Variants in COL5A1 observed in about 807,000 individuals in gnomAD.
COL5A1 encodes the protein collagen type V alpha 1 chain.
Under a neutral mutation model 263.7 loss-of-function variants are expected in COL5A1, and 16 were observed. That is an observed-to-expected ratio of 0.06 (90% CI 0.04 to 0.09). The LOEUF (loss-of-function observed/expected upper bound fraction) is 0.09, where lower values mean the gene tolerates loss of function less well. Among genes scored for constraint, COL5A1 ranks in the 10% least tolerant of loss-of-function variants. The pLI is 1.00. For synonymous variants in COL5A1, 1,012 were observed against 1,004.5 expected (o/e 1.01, Z -0.14); for missense variants, 2,036 against 2,540.5 (o/e 0.80, Z 4.27).
intron 50 of COL5A1, among the ~76,000 whole-genome samples, chr9:134,815,319 G>T (rs1405332385): frequency 6.6e-6 from 1 of 152,260 alleles, no homozygotes; most frequent in Non-Finnish European, 1.5e-5. Flanking sequence ...CGGAACGCCT[G>T]CCCCTTGCTT....
intron 13 of COL5A1, among the ~76,000 whole-genome samples, chr9:134,752,263 AG>A (rs1835808185): frequency 6.6e-6 from 1 of 152,218 alleles, no homozygotes; most frequent in African/African-American, 2.4e-5. Flanking sequence ...GACCTAGCCA[AG>A]GGTGATGGGC....
Position 134,742,982 on chromosome 9 carries a change from C to T in COL5A1, c.1494+4174C>T, listed in dbSNP as rs528687304. The stretch of plus-strand genomic sequence containing the variant: ...TTCCAGGGCCCACACCTGCTAGCCT[C>T]GATAGAAACACCCGGAAGGCAGGCG... On this transcript the variant is annotated intron_variant, in intron 11 of 65. Transcript: ENST00000371817. This position sits in a 1 kb window ranked among gnomAD's most constrained non-coding sequence, Gnocchi z 4.6. Among the ~76,000 whole-genome samples the T allele has an allele frequency of 3.4e-4, 52 of 152,296 alleles. No individual in the cohort carries two copies. The highest frequency in any genetic ancestry group is 3.4e-3 in the Middle Eastern group (1 of 294).
chr9:134,681,173 T>TG lies in COL5A1; in HGVS notation c.110-9732dup, dbSNP rs71505311. Among the ~76,000 whole-genome samples, 6 of 151,682 alleles carry TG rather than the reference T, an allele frequency of 4.0e-5. No individual in the cohort carries two copies. The highest frequency in any genetic ancestry group is 7.4e-5 in the Non-Finnish European group (5 of 67,914). ...GCCTGCCTTGCAGGGAGGGCTGGGG[T>TG]GGGGGGGCCTCAGCCCTGGGCCAGA... On this transcript the variant is annotated intron_variant, in intron 1 of 65. Transcript: ENST00000371817. The surrounding 1 kb of genome is among the most constrained non-coding windows in gnomAD (Gnocchi z 4.3).
chr9:134,683,670 A>G (rs926973399), intron 1 of COL5A1, among the ~76,000 whole-genome samples: 59 of 152,252 alleles, frequency 3.9e-4, no homozygotes, highest in African/African-American at 1.4e-3. Context: ...GCTCCTGTGC[A>G]GGCCCCGGTC....
At chr9:134,762,062 C>A in intron 19 of COL5A1, 84 bp downstream of exon 19, 1 of 1,452,574 alleles carries the variant, frequency 6.9e-7, no homozygotes, top group East Asian at 2.3e-5. Flanking sequence ...AAGAGAGGCC[C>A]AGGTGTGGGA....
At chr9:134,679,267 G>C (rs988069200) in intron 1 of COL5A1, among the ~76,000 whole-genome samples, 1 of 150,626 alleles carries the variant, frequency 6.6e-6, no homozygotes, top group African/African-American at 2.4e-5. Flanking sequence ...GGCACTGCCG[G>C]GCTGGTTAGG....
chr9:134,695,637 C>G (rs932018501), intron 2 of COL5A1, among the ~76,000 whole-genome samples: 3 of 152,152 alleles, frequency 2.0e-5, no homozygotes, highest in African/African-American at 4.8e-5. Context: ...TCCCTGATGG[C>G]TGAGAGGAGG....
At chr9:134,831,240 G>A (rs7868432) in intron 64 of COL5A1, among the ~76,000 whole-genome samples, 1 of 152,160 alleles carries the variant, frequency 6.6e-6, no homozygotes, top group African/African-American at 2.4e-5. Flanking sequence ...TAACCTGAAG[G>A]CATTCACAGC....
intron 28 of COL5A1, among the ~76,000 whole-genome samples, chr9:134,781,807 C>G (rs1424216939): frequency 6.6e-6 from 1 of 152,230 alleles, no homozygotes; most frequent in Non-Finnish European, 1.5e-5. Context: ...GCCCCGGGAG[C>G]TGGCGCTGGC....
intron 4 of COL5A1, among the ~76,000 whole-genome samples, chr9:134,711,805 G>A (rs931907664): frequency 6.6e-6 from 1 of 151,828 alleles, no homozygotes; most frequent in African/African-American, 2.4e-5. Flanking sequence ...CCAAATCCCC[G>A]CTCTTCAGTC....
chr9:134,739,551 A>G (rs1588489414), intron 11 of COL5A1, among the ~76,000 whole-genome samples: 1 of 152,268 alleles, frequency 6.6e-6, no homozygotes, highest in Admixed American at 6.5e-5. Context: ...TGGTGGGTGG[A>G]TGCAGGGCAG....
chr9:134,780,872 C>T (rs550632917), intron 28 of COL5A1, among the ~76,000 whole-genome samples: 57 of 152,390 alleles, frequency 3.7e-4, no homozygotes, highest in African/African-American at 1.3e-3. Context: ...GCGGCCTCAC[C>T]GTGCCACCCT....
rs1266317420 is a variant in COL5A1, at chr9:134,800,561, A to G, written c.2953-1393A>G. The stretch of plus-strand genomic sequence containing the variant: ...GGAGTTTGAGACCAGCCCGGCCAAC[A>G]TGGTGAAACCCCGTCTCTACTAAAA... On this transcript the variant is annotated intron_variant, in intron 37 of 65. Coordinates refer to ENST00000371817, the MANE Select transcript of COL5A1 (RefSeq NM_000093.5). 3.3e-5 allele frequency among the ~76,000 whole-genome samples: 5 copies of G among 152,100 alleles called. No individual in the cohort carries two copies. The East Asian group carries it at 7.7e-4, about 23-fold the overall frequency.
intron 32 of COL5A1, among the ~76,000 whole-genome samples, chr9:134,792,614 C>T (rs1178456581): frequency 6.6e-6 from 1 of 152,176 alleles, no homozygotes; most frequent in Non-Finnish European, 1.5e-5. Flanking sequence ...ATCTGCCCGC[C>T]TCAGCCTCCC....
intron 9 of COL5A1, among the ~76,000 whole-genome samples, chr9:134,733,550 G>A (rs1033859653): frequency 4.6e-5 from 7 of 152,216 alleles, no homozygotes; most frequent in Non-Finnish European, 8.8e-5. Flanking sequence ...GAAGGGTCAT[G>A]GGCTGCAGGG....
intron 4 of COL5A1, among the ~76,000 whole-genome samples, chr9:134,726,499 T>C (rs1049293480): frequency 6.7e-6 from 1 of 149,684 alleles, no homozygotes; most frequent in Non-Finnish European, 1.5e-5. Context: ...AGTGGATAGA[T>C]GGATAGATGG....
Position 134,699,909 on chromosome 9 carries a change from C to T in COL5A1, c.278C>T (p.Ala93Val), listed in dbSNP as rs41306397. ...TTCTCACCTCTGTGCTCTGTTCCAGCGTCTGCATTTCCCGAGGACTTCTCC... is the reference window on the plus strand; with the variant it reads ...TTCTCACCTCTGTGCTCTGTTCCAGTGTCTGCATTTCCCGAGGACTTCTCC... Reference protein sequence around the residue: ...LSAPTKQLYPASAFPEDFSIL... With the variant: ...LSAPTKQLYPVSAFPEDFSIL... Residue 93 changes from alanine (A) to valine (V), a missense_variant and splice_region_variant, in exon 3 of 66, where the codon GCG (alanine) becomes GTG (valine). Coordinates refer to ENST00000371817, the MANE Select transcript of COL5A1 (RefSeq NM_000093.5). 5,085 of 1,613,882 alleles carry T rather than the reference C, an allele frequency of 3.2e-3. 8 individuals carry two copies. Among genetic ancestry groups the T allele is most frequent in the Non-Finnish European group, 3.9e-3 (4,602 of 1,179,934 alleles).
In COL5A1 at chr9:134,699,282, G is replaced by A. The variant is rs1434950501; in HGVS notation, c.278-627G>A. On this transcript the variant is annotated intron_variant, in intron 2 of 65. Transcript: ENST00000371817. The stretch of plus-strand genomic sequence containing the variant: ...TGTGTTGTAAGAGGTAATTCCTCCC[G>A]TTAACATACTAGGGATATATTTTTT... Among the ~76,000 whole-genome samples, 5 of 152,160 alleles carry A rather than the reference G, an allele frequency of 3.3e-5. No individual in the cohort carries two copies. In the South Asian group the frequency reaches 8.3e-4, roughly 25 times the overall value.
At chr9:134,728,549 C>A in intron 5 of COL5A1, 121 bp from the exon 6 acceptor site, 2 of 1,437,936 alleles carry the variant, frequency 1.4e-6, no homozygotes. Context: ...CAGGGAGGTT[C>A]ACGCCTGGGG....
Sources: allele counts gnomAD v4.1 joint callset (sites outside exome capture counted in the v4.1 genomes callset), GRCh38; gene constraint gnomAD v4.1.1; non-coding constraint Gnocchi (gnomAD v3.1); transcripts MANE v1.5; gene names NCBI Gene and HGNC (gene_info 2026-07-23, HGNC 2026-07-21).